The following TYW1 variants were observed in gnomAD, a reference collection of about 807,000 sequenced individuals.
TYW1 encodes the protein S-adenosyl-L-methionine-dependent tRNA 4-demethylwyosine synthase TYW1.
Under a neutral mutation model 96.2 loss-of-function variants are expected in TYW1, and 46 were observed. That is an observed-to-expected ratio of 0.48 (90% CI 0.38 to 0.61). The LOEUF (loss-of-function observed/expected upper bound fraction) is 0.61. Among genes scored for constraint, TYW1 ranks in the 20% least tolerant of loss-of-function variants. The pLI is 0.00. For synonymous variants in TYW1, 274 were observed against 323.0 expected, an observed-to-expected ratio of 0.85 and a Z score of 1.63; for missense variants, 684 against 909.6, an observed-to-expected ratio of 0.75 and a Z score of 3.19.
At chr7:67,186,559 C>T (rs1800030887) in intron 14 of TYW1, among the ~76,000 whole-genome samples, 1 of 152,024 alleles carries the variant, frequency 6.6e-6, no homozygotes. Context: ...GCAATCATGG[C>T]TCACAGCAGC....
At chr7:67,084,584 C>G (rs114688511) in intron 11 of TYW1, among the ~76,000 whole-genome samples, 5,093 of 151,022 alleles carry the variant, frequency 0.034, 246 homozygotes, top group African/African-American at 0.12. Flanking sequence ...GTGGTGCCAT[C>G]TTGGCTCACT....
At chr7:67,090,444 A>T (rs867813502) in intron 11 of TYW1, among the ~76,000 whole-genome samples, 30 of 152,196 alleles carry the variant, frequency 2.0e-4, no homozygotes, top group Non-Finnish European at 1.6e-4. Flanking sequence ...TGACATTAGG[A>T]TGAAAATTTT....
At chr7:67,147,094 A>G (rs2421420) in intron 13 of TYW1, among the ~76,000 whole-genome samples, 5,054 of 152,304 alleles carry the variant, frequency 0.033, 283 homozygotes, top group East Asian at 0.16. Context: ...AGGTTCTTTT[A>G]GCAGAGCAGA....
At chr7:67,184,382 G>T (rs1370847320) in intron 14 of TYW1, among the ~76,000 whole-genome samples, 1 of 152,002 alleles carries the variant, frequency 6.6e-6, no homozygotes, top group East Asian at 1.9e-4. Context: ...GCATGTGTGT[G>T]TGGGTTTGTT....
intron 3 of TYW1, among the ~76,000 whole-genome samples, chr7:67,006,775 A>T (rs999012173): frequency 6.6e-6 from 1 of 151,696 alleles, no homozygotes; most frequent in Non-Finnish European, 1.5e-5. Context: ...GAATGGACTA[A>T]TACTGTAATT....
intron 12 of TYW1, among the ~76,000 whole-genome samples, chr7:67,112,313 G>A (rs1027577965): frequency 7.2e-5 from 11 of 151,900 alleles, no homozygotes; most frequent in African/African-American, 2.4e-4. Context: ...AGTATGCTTA[G>A]TCACAGAAAT....
chr7:67,128,982 C>T (rs890391813), intron 13 of TYW1, among the ~76,000 whole-genome samples: 1 of 152,202 alleles, frequency 6.6e-6, no homozygotes, highest in African/African-American at 2.4e-5. Context: ...AGCCACCGCG[C>T]CCAGTCTAGG....
chr7:67,029,002 C>CTTT (rs752751448), intron 7 of TYW1, among the ~76,000 whole-genome samples: 3 of 144,738 alleles, frequency 2.1e-5, no homozygotes, highest in Non-Finnish European at 3.0e-5. Flanking sequence ...CTGATATGGA[C>CTTT]TTTTTTTTTT....
At chr7:67,006,145 C>T (rs1468825988) in intron 3 of TYW1, among the ~76,000 whole-genome samples, 1 of 152,120 alleles carries the variant, frequency 6.6e-6, no homozygotes, top group African/African-American at 2.4e-5. Flanking sequence ...GTGCTTAGAT[C>T]TTGAGGGCAG....
chr7:67,210,755 C>T (rs1323799809), intron 15 of TYW1, among the ~76,000 whole-genome samples: 11 of 148,080 alleles, frequency 7.4e-5, no homozygotes, highest in East Asian at 3.9e-4. Flanking sequence ...GTTTGTCTGT[C>T]GTCTGTCCGT....
At chr7:67,125,321 T>C (rs1730197910) in intron 13 of TYW1, among the ~76,000 whole-genome samples, 1 of 152,184 alleles carries the variant, frequency 6.6e-6, no homozygotes, top group Admixed American at 6.5e-5. Flanking sequence ...GTTGTTATTA[T>C]TATTTTTCAA....
Position 67,211,150 on chromosome 7 carries a change from T to TTGTGTGTGTG in TYW1, c.1977+15845_1977+15854dup, listed in dbSNP as rs61112149. Among the ~76,000 whole-genome samples, 305 of 125,608 alleles carry TTGTGTGTGTG rather than the reference T, an allele frequency of 2.4e-3. 1 individual carries two copies. Among genetic ancestry groups the TTGTGTGTGTG allele is most frequent in the Middle Eastern group, 7.9e-3 (2 of 252 alleles). The allele number at this position is 125,608 out of a possible 152,430, so 82.4% of individuals were successfully genotyped here. On this transcript the variant is annotated intron_variant, in intron 15 of 15. Transcript: ENST00000359626. ...TTACTTTGCCATACCCCCATCAACA[T>TTGTGTGTGTG]TGTGTGTGTGTGTGTGTGTGTGTGT...
chr7:67,016,034 A>C (rs1316246881), intron 5 of TYW1, among the ~76,000 whole-genome samples: 1 of 151,982 alleles, frequency 6.6e-6, no homozygotes, highest in East Asian at 1.9e-4. Context: ...TTACATAATA[A>C]AACATTAAAT....
intron 15 of TYW1, among the ~76,000 whole-genome samples, chr7:67,202,099 C>T (rs960557814): frequency 7.2e-5 from 11 of 152,204 alleles, no homozygotes; most frequent in African/African-American, 2.7e-4. Context: ...AAACAAGGCT[C>T]ATTTAGATTC....
chr7:67,197,952 T>TCCCCCCCCC (rs1563067011), intron 15 of TYW1, among the ~76,000 whole-genome samples: 4 of 125,972 alleles, frequency 3.2e-5, no homozygotes, highest in Admixed American at 1.8e-4. Context: ...CTCCCTTCCC[T>TCCCCCCCCC]ACCCCTGCCC....
intron 10 of TYW1, among the ~76,000 whole-genome samples, chr7:67,079,169 GAGGTGT>G (rs754191623): frequency 2.7e-5 from 3 of 110,168 alleles, no homozygotes; most frequent in African/African-American, 6.4e-5. Flanking sequence ...ATTCGTGTGA[GAGGTGT>G]GTGTGTGTGT....
chr7:67,110,841 C>T (rs543024101), intron 12 of TYW1, among the ~76,000 whole-genome samples: 1 of 152,044 alleles, frequency 6.6e-6, no homozygotes, highest in Admixed American at 6.6e-5. Flanking sequence ...CCTGTCTCTA[C>T]AAAAAATTAA....
chr7:66,998,719 A>G, intron 2 of TYW1, 98 bp from the exon 3 acceptor site: 1 of 1,385,642 alleles, frequency 7.2e-7, no homozygotes. Context: ...GATTAAGAGA[A>G]AAATAAAATG....
At chr7:67,165,608 G>A (rs1484487941) in intron 13 of TYW1, among the ~76,000 whole-genome samples, 2 of 152,076 alleles carry the variant, frequency 1.3e-5, no homozygotes, top group Non-Finnish European at 2.9e-5. Flanking sequence ...CATTTTATCC[G>A]TGAATACTTC....
Sources: gnomAD v4.1 joint callset for allele counts (sites outside exome capture counted in the v4.1 genomes callset) on GRCh38, gnomAD v4.1.1 for gene constraint, MANE v1.5 for transcripts, NCBI Gene and HGNC (gene_info 2026-07-23, HGNC 2026-07-21) for gene names.